Variants in OSBP2 observed in about 807,000 individuals in gnomAD.
OSBP2 encodes oxysterol-binding protein 2.
Under a neutral mutation model 96.0 loss-of-function variants are expected in OSBP2, and 66 were observed. That is an observed-to-expected ratio of 0.69 (90% CI 0.56 to 0.84). The LOEUF (loss-of-function observed/expected upper bound fraction) is 0.84. OSBP2 is among the 40% of genes least tolerant of loss of function. OSBP2 has a pLI of 0.00. For missense variants in OSBP2, 1,038 were observed against 1,222.7 expected (o/e 0.85, Z 2.25); for synonymous variants, 525 against 520.9 (o/e 1.01, Z -0.11).
intron 2 of OSBP2, among the ~76,000 whole-genome samples, chr22:30,811,519 T>A (rs1036549880): frequency 6.6e-6 from 1 of 151,432 alleles, no homozygotes; most frequent in Non-Finnish European, 1.5e-5. Context: ...CTATATTTTT[T>A]AAATTTATTT....
intron 1 of OSBP2, among the ~76,000 whole-genome samples, chr22:30,738,303 T>A (rs1227982407): frequency 6.6e-6 from 1 of 152,108 alleles, no homozygotes; most frequent in Non-Finnish European, 1.5e-5. Context: ...AGCCATAATG[T>A]CATTTTTGGT....
chr22:30,862,980 A>G (rs2413004), intron 2 of OSBP2, among the ~76,000 whole-genome samples: 62,145 of 150,832 alleles, frequency 0.41, 13,574 homozygotes, highest in African/African-American at 0.54. Flanking sequence ...AAAAAAAGAA[A>G]AAAAGAAAAA....
intron 2 of OSBP2, among the ~76,000 whole-genome samples, chr22:30,836,412 T>C (rs2038633645): frequency 6.6e-6 from 1 of 152,220 alleles, no homozygotes; most frequent in Non-Finnish European, 1.5e-5. Context: ...CTCTGAATTC[T>C]GCTTCCCTTA....
intron 2 of OSBP2, among the ~76,000 whole-genome samples, chr22:30,778,303 G>A (rs995109123): frequency 1.3e-4 from 19 of 146,528 alleles, no homozygotes; most frequent in South Asian, 2.2e-4. Flanking sequence ...GTGTGCATGT[G>A]CACACACACA....
chr22:30,847,670 A>G lies in OSBP2; in HGVS notation c.854-22759A>G, dbSNP rs554740473. Among the ~76,000 whole-genome samples, 56 of 152,166 alleles carry G rather than the reference A, an allele frequency of 3.7e-4. 1 individual carries two copies. Among genetic ancestry groups the G allele is most frequent in the Admixed American group, 1.8e-3 (28 of 15,274 alleles). On this transcript the variant is annotated intron_variant, in intron 2 of 13. Transcript: ENST00000332585. The stretch of plus-strand genomic sequence containing the variant: ...GATTTTAAACTATAGAATCAATTTC[A>G]TTAATAGACTCCTCAGGTTTTTTTT...
At chr22:30,728,423 C>T (rs1218464112) in intron 1 of OSBP2, among the ~76,000 whole-genome samples, 1 of 151,360 alleles carries the variant, frequency 6.6e-6, no homozygotes, top group East Asian at 1.9e-4. Context: ...CAAAAATTAG[C>T]TGGGTGCAGT....
At chr22:30,737,973 A>C (rs527787569) in intron 1 of OSBP2, among the ~76,000 whole-genome samples, 1 of 152,012 alleles carries the variant, frequency 6.6e-6, no homozygotes, top group Non-Finnish European at 1.5e-5. Context: ...CGGCCTCCCA[A>C]AGTGCTGGGA....
chr22:30,859,748 G>C (rs2039171143), intron 2 of OSBP2, among the ~76,000 whole-genome samples: 1 of 152,346 alleles, frequency 6.6e-6, no homozygotes, highest in Non-Finnish European at 1.5e-5. Context: ...GGATGAAAAA[G>C]CAAAACACCA....
At chr22:30,905,134 CTTTTTTTTTTTT>C (rs566334052) in intron 12 of OSBP2, among the ~76,000 whole-genome samples, 9 of 68,704 alleles carry the variant, frequency 1.3e-4, no homozygotes, top group East Asian at 4.0e-4. Context: ...CGAGACCCGT[CTTTTTTTTTTTT>C]TTTTTTTTTT....
Position 30,870,292 on chromosome 22 carries a change from A to C in OSBP2, c.854-137A>C. Reference sequence around the variant, plus strand: ...GGCAGGCACCTCACCCCGGCCAGGAACAGGAACGGGCACCATCTCGGGGAC... The same window carrying C: ...GGCAGGCACCTCACCCCGGCCAGGACCAGGAACGGGCACCATCTCGGGGAC... On this transcript the variant is annotated intron_variant, in intron 2 of 13. Transcript: ENST00000332585. The surrounding 1 kb of genome is among the most constrained non-coding windows in gnomAD (Gnocchi z 4.1). 1.1e-6 allele frequency: 1 copy of C among 920,796 alleles called. No homozygotes were observed. Among genetic ancestry groups the C allele is most frequent in the South Asian group, 1.7e-5 (1 of 60,232 alleles). The allele number at this position is 920,796 out of a possible 1,614,324, so 57.0% of individuals were successfully genotyped here. A position where few individuals can be genotyped will look rare whatever the true frequency, so the allele number is the denominator to read the frequency against.
In OSBP2 at chr22:30,893,256, C is replaced by G; in HGVS notation, c.1990+14C>G. 3 of 1,613,968 alleles carry G rather than the reference C, an allele frequency of 1.9e-6. No individual in the cohort carries two copies. The highest frequency in any genetic ancestry group is 2.7e-5 in the African/African-American group (2 of 75,042). Reference sequence around the variant, plus strand: ...TCATGCCGCTAGGTGAGCTGGGGCCCGGTGCCTTCCTGGGACACAGAGACA... The same window carrying G: ...TCATGCCGCTAGGTGAGCTGGGGCCGGGTGCCTTCCTGGGACACAGAGACA... On this transcript the variant is annotated intron_variant, in intron 9 of 13. Transcript: ENST00000332585.
intron 2 of OSBP2, among the ~76,000 whole-genome samples, chr22:30,812,227 G>T (rs533683207): frequency 2.0e-5 from 3 of 151,828 alleles, no homozygotes; most frequent in East Asian, 3.9e-4. Flanking sequence ...GTGCAGTAGC[G>T]CAATCTCAGC....
At chr22:30,802,178 G>A (rs1404088938) in intron 2 of OSBP2, among the ~76,000 whole-genome samples, 2 of 152,202 alleles carry the variant, frequency 1.3e-5, no homozygotes, top group East Asian at 1.9e-4. Flanking sequence ...CATGTTGCTG[G>A]TCTGTGGCAG....
intron 2 of OSBP2, among the ~76,000 whole-genome samples, chr22:30,799,678 A>G (rs538542824): frequency 6.6e-6 from 1 of 152,390 alleles, no homozygotes; most frequent in African/African-American, 2.4e-5. Flanking sequence ...TTTCGATAGA[A>G]GTGGCAAATG....
intron 1 of OSBP2, among the ~76,000 whole-genome samples, chr22:30,714,624 T>C (rs558205203): frequency 3.9e-5 from 6 of 152,264 alleles, no homozygotes; most frequent in South Asian, 2.1e-4. Context: ...CTACTTTCTA[T>C]TTCTTTTTAT....
At chr22:30,711,607 G>T (rs933241384) in intron 1 of OSBP2, among the ~76,000 whole-genome samples, 1 of 151,982 alleles carries the variant, frequency 6.6e-6, no homozygotes, top group African/African-American at 2.4e-5. Context: ...AGGCATGGCG[G>T]TGTGTGCCTG....
intron 3 of OSBP2, among the ~76,000 whole-genome samples, chr22:30,885,064 G>A (rs1271449676): frequency 1.3e-5 from 2 of 152,200 alleles, no homozygotes; most frequent in Non-Finnish European, 2.9e-5. Context: ...CGTCTGTTGA[G>A]TGCTCCCTCG....
chr22:30,792,024 C>G (rs1239243850), intron 2 of OSBP2, among the ~76,000 whole-genome samples: 1 of 152,072 alleles, frequency 6.6e-6, no homozygotes, highest in Non-Finnish European at 1.5e-5. Flanking sequence ...ACAGAAGTTT[C>G]AATCAGGCCA....
rs1181694419 is a variant in OSBP2, at chr22:30,871,252, C to T, written c.1107+570C>T. Among the ~76,000 whole-genome samples the T allele has an allele frequency of 6.6e-6, 1 of 152,190 alleles. No homozygotes were observed. The highest frequency in any genetic ancestry group is 1.5e-5 in the Non-Finnish European group (1 of 68,040). On this transcript the variant is annotated intron_variant, in intron 3 of 13. Transcript: ENST00000332585. This position sits in a 1 kb window ranked among gnomAD's most constrained non-coding sequence, Gnocchi z 4.7. ...GCAGTTGTAAACTAAGCAGCCCCGC[C>T]ACAGGAGTCAGCCGCTCACCCTGGC...
Sources: allele counts gnomAD v4.1 joint callset (sites outside exome capture counted in the v4.1 genomes callset), GRCh38; gene constraint gnomAD v4.1.1; non-coding constraint Gnocchi (gnomAD v3.1); transcripts MANE v1.5; gene names NCBI Gene and HGNC (gene_info 2026-07-23, HGNC 2026-07-21).